NSMCE2: variants seen among roughly 807,000 people sequenced by gnomAD.
NSMCE2 encodes NSE2 SUMO ligase component of SMC5/6 complex.
A neutral mutation model predicts 23.8 loss-of-function variants in NSMCE2; 24 were observed. The observed-to-expected ratio is 1.01, with a 90% CI of 0.73 to 1.42. NSMCE2 has a LOEUF of 1.42. Ranked by LOEUF, NSMCE2 falls within the 40% of genes most tolerant of loss-of-function variation. The pLI is 0.00. For missense variants in NSMCE2, 284 were observed against 296.5 expected (o/e 0.96, Z 0.31); for synonymous variants, 92 against 94.1 (o/e 0.98, Z 0.13).
chr8:125,120,529 CA>C (rs1434890457), intron 3 of NSMCE2, among the ~76,000 whole-genome samples: 1 of 152,190 alleles, frequency 6.6e-6, no homozygotes, highest in East Asian at 1.9e-4. Context: ...TCCACATCTA[CA>C]GTACTTTCAT....
intron 5 of NSMCE2, among the ~76,000 whole-genome samples, chr8:125,346,655 C>G (rs898974825): frequency 2.0e-5 from 3 of 152,198 alleles, no homozygotes; most frequent in Non-Finnish European, 2.9e-5. Context: ...GATCATCAAG[C>G]CTTTTCTTAT....
intron 5 of NSMCE2, among the ~76,000 whole-genome samples, chr8:125,312,477 AGCCGGGCG>A (rs1829009660): frequency 6.6e-6 from 1 of 151,998 alleles, no homozygotes; most frequent in African/African-American, 2.4e-5. Context: ...TACAAAAATT[AGCCGGGCG>A]TGGGTGGCAC....
intron 7 of NSMCE2, among the ~76,000 whole-genome samples, chr8:125,365,608 C>G (rs572347478): frequency 5.9e-5 from 9 of 152,298 alleles, no homozygotes; most frequent in African/African-American, 1.9e-4. Flanking sequence ...GTAATCCCAG[C>G]ACTTTGGGAG....
At chr8:125,247,724 CAA>C (rs35494894) in intron 5 of NSMCE2, among the ~76,000 whole-genome samples, 17 of 112,946 alleles carry the variant, frequency 1.5e-4, no homozygotes, top group Middle Eastern at 4.3e-3. Flanking sequence ...AATTCTGTCT[CAA>C]AAAAAAAAAA....
intron 5 of NSMCE2, among the ~76,000 whole-genome samples, chr8:125,321,397 T>C (rs1318770399): frequency 4.6e-5 from 7 of 152,148 alleles, no homozygotes; most frequent in African/African-American, 1.7e-4. Context: ...AATTATACTG[T>C]TTTAAGGCTC....
chr8:125,216,222 T>G (rs1824575593), intron 5 of NSMCE2, among the ~76,000 whole-genome samples: 1 of 152,256 alleles, frequency 6.6e-6, no homozygotes. Flanking sequence ...TATCTGTCAA[T>G]GGACATTTGC....
intron 5 of NSMCE2, among the ~76,000 whole-genome samples, chr8:125,235,775 G>T (rs745573164): frequency 2.6e-5 from 4 of 152,162 alleles, no homozygotes; most frequent in Non-Finnish European, 4.4e-5. Context: ...CTCAAGAGCA[G>T]GAATGGTTAC....
intron 1 of NSMCE2, among the ~76,000 whole-genome samples, chr8:125,093,043 T>C (rs1383707329): frequency 6.6e-6 from 1 of 152,208 alleles, no homozygotes; most frequent in Non-Finnish European, 1.5e-5. Context: ...TGAGAACCAC[T>C]TAAACCAAGC....
chr8:125,102,404 C>G lies in NSMCE2; in HGVS notation c.74C>G (p.Ser25Cys). 6.2e-7 allele frequency: 1 copy of G among 1,613,238 alleles called. No individual in the cohort carries two copies. Among genetic ancestry groups the G allele is most frequent in the Non-Finnish European group, 8.5e-7 (1 of 1,179,182 alleles). Reference protein sequence around the residue: ...ISFSGVESALSSLKNFQACIN... With the variant: ...ISFSGVESALCSLKNFQACIN... The stretch of plus-strand genomic sequence containing the variant: ...TTCAGTGGTGTAGAGTCTGCTCTCT[C>G]CTCCTTGAAAAACTTCCAAGCCTGT... Residue 25 changes from serine to cysteine, a missense_variant, in exon 3 of 8, where the codon TCC becomes TGC. Physicochemically the swap from Ser to Cys is moderately radical, Grantham distance 112. Around this residue, in one of 2 missense-constraint regions of NSMCE2, gnomAD observed 182 missense variants for 155.5 expected, o/e 1.17. Coordinates refer to ENST00000287437, the MANE Select transcript of NSMCE2 (RefSeq NM_173685.4).
chr8:125,148,053 G>T (rs1338858903), intron 3 of NSMCE2, among the ~76,000 whole-genome samples: 1 of 152,130 alleles, frequency 6.6e-6, no homozygotes, highest in Non-Finnish European at 1.5e-5. Context: ...CAGGTGTGCT[G>T]TGATCCTCAG....
At chr8:125,303,305 T>C (rs1021590593) in intron 5 of NSMCE2, among the ~76,000 whole-genome samples, 9 of 152,128 alleles carry the variant, frequency 5.9e-5, no homozygotes, top group African/African-American at 2.2e-4. Context: ...AAGTTGTGTA[T>C]TCGAGACCAA....
Position 125,361,626 on chromosome 8 carries a change from C to T in NSMCE2, c.626+3808C>T, listed in dbSNP as rs1395061308. 2.6e-5 allele frequency among the ~76,000 whole-genome samples: 4 copies of T among 152,268 alleles called. No homozygotes were observed. The East Asian group carries it at 7.7e-4, about 29-fold the overall frequency. ...GGGCCAAAGAAATGGTAGGGAATTC[C>T]ATTCTAGGTCTGGACCAGCACATTT... is the stretch of plus-strand genomic sequence containing the variant. On this transcript the variant is annotated intron_variant, in intron 7 of 7. Coordinates refer to ENST00000287437, the MANE Select transcript of NSMCE2 (RefSeq NM_173685.4).
intron 5 of NSMCE2, among the ~76,000 whole-genome samples, chr8:125,225,649 G>A (rs1825060997): frequency 6.6e-6 from 1 of 152,112 alleles, no homozygotes; most frequent in South Asian, 2.1e-4. Context: ...GGGTATATTT[G>A]TTTTTATTCA....
chr8:125,337,752 G>A (rs541445027), intron 5 of NSMCE2, among the ~76,000 whole-genome samples: 3 of 151,930 alleles, frequency 2.0e-5, no homozygotes, highest in Admixed American at 6.5e-5. Context: ...AAAATTAGCC[G>A]GGCGTGGTGG....
chr8:125,108,110 G>A (rs140785968), intron 3 of NSMCE2, among the ~76,000 whole-genome samples: 12 of 152,192 alleles, frequency 7.9e-5, no homozygotes, highest in Admixed American at 2.6e-4. Flanking sequence ...AAGAAATTAC[G>A]ATGAAAATAG....
intron 3 of NSMCE2, among the ~76,000 whole-genome samples, chr8:125,104,423 AT>A (rs1288512795): frequency 6.6e-6 from 1 of 152,150 alleles, no homozygotes; most frequent in Non-Finnish European, 1.5e-5. Flanking sequence ...GTTAGGGCTA[AT>A]TTAGCCTTGT....
At chr8:125,144,887 A>G (rs1391296633) in intron 3 of NSMCE2, among the ~76,000 whole-genome samples, 3 of 152,224 alleles carry the variant, frequency 2.0e-5, no homozygotes, top group African/African-American at 4.8e-5. Flanking sequence ...AAAAGAGAGA[A>G]TAGTAATGTA....
intron 1 of NSMCE2, among the ~76,000 whole-genome samples, chr8:125,096,040 G>A (rs1033258844): frequency 2.6e-5 from 4 of 152,178 alleles, no homozygotes; most frequent in Admixed American, 6.5e-5. Context: ...CATGCATGGA[G>A]CCTGATAGGT....
In NSMCE2 at chr8:125,279,778, T is replaced by C. The variant is rs16900510; in HGVS notation, c.419-77441T>C. Among the ~76,000 whole-genome samples, 1,200 of 152,310 alleles carry C rather than the reference T, an allele frequency of 7.9e-3. 11 individuals carry two copies. The highest frequency in any genetic ancestry group is 0.028 in the African/African-American group (1,146 of 41,550). ...CATACTTGCCTATCTCCTTAGTGGA[T>C]GGATTGCTTGTTAAGTGACATTATA... On this transcript the variant is annotated intron_variant, in intron 5 of 7. Transcript: ENST00000287437.
Sources: allele counts gnomAD v4.1 joint callset (sites outside exome capture counted in the v4.1 genomes callset), GRCh38; gene constraint gnomAD v4.1.1; regional missense constraint gnomAD v4.1.1; transcripts MANE v1.5; gene names NCBI Gene and HGNC (gene_info 2026-07-23, HGNC 2026-07-21).